The following MLF1 variants were observed in gnomAD, a reference collection of about 807,000 sequenced individuals.
MLF1 encodes the protein myelodysplasia-myeloid leukemia factor 1.
In MLF1, 37 loss-of-function variants were observed where a neutral mutation model predicts 38.3. The ratio of observed to expected loss-of-function variants is 0.96; its 90% CI spans 0.74 to 1.27. The LOEUF is 1.27. Among genes scored for constraint, MLF1 ranks in the 50% most tolerant of loss-of-function variants. MLF1 has a pLI of 0.00. For missense variants in MLF1, 331 were observed against 349.2 expected, an observed-to-expected ratio of 0.95 and a Z score of 0.42; for synonymous variants, 95 against 106.5, an observed-to-expected ratio of 0.89 and a Z score of 0.66.
intron 1 of MLF1, among the ~76,000 whole-genome samples, chr3:158,574,687 A>G (rs1715156077): frequency 1.6e-5 from 1 of 63,796 alleles, no homozygotes; most frequent in Non-Finnish European, 3.7e-5. Context: ...ACTGTCTCAA[A>G]AAAAAAAAAA....
At chr3:158,592,290 T>A in intron 1 of MLF1, 144 bp from the exon 2 acceptor site, 2 of 635,374 alleles carry the variant, frequency 3.1e-6, no homozygotes, top group Non-Finnish European at 5.0e-6. Flanking sequence ...TCTATTCTAT[T>A]TATGAATAAA....
intron 1 of MLF1, among the ~76,000 whole-genome samples, chr3:158,580,749 A>C (rs1576648717): frequency 6.6e-6 from 1 of 151,188 alleles, no homozygotes; most frequent in Non-Finnish European, 1.5e-5. Flanking sequence ...GGAGCTCGAG[A>C]CCAGCCTGAG....
rs749194695 is a variant in MLF1, at chr3:158,571,296, C to G, written c.-5C>G. 1 of 1,611,388 alleles carries G rather than the reference C, an allele frequency of 6.2e-7. No individual in the cohort carries two copies. Among genetic ancestry groups the G allele is most frequent in the East Asian group, 2.2e-5 (1 of 44,804 alleles). ...GCGGCTGCCGCCACCCAAGACAGAG[C>G]CAGAATGTTCAGGATGCTGAACAGC... On this transcript the variant is annotated 5_prime_UTR_variant, in exon 1 of 8. Coordinates refer to ENST00000466246, the MANE Select transcript of MLF1 (RefSeq NM_001369783.1).
At chr3:158,584,946 G>C (rs1178615789) in intron 1 of MLF1, among the ~76,000 whole-genome samples, 1 of 150,462 alleles carries the variant, frequency 6.6e-6, no homozygotes, top group Non-Finnish European at 1.5e-5. Context: ...GCTGAGGTGG[G>C]AGGATCATTT....
chr3:158,582,854 A>G, intron 1 of MLF1: 1 of 684,412 alleles, frequency 1.5e-6, no homozygotes, highest in East Asian at 2.7e-5. Context: ...GAAGTTCTTC[A>G]GAGAGAAGGA....
chr3:158,587,862 C>G lies in MLF1; in HGVS notation c.48-4572C>G, dbSNP rs1235202522. ...AAAAATAGAAAAAAATTAGCCGGGC[C>G]TGGCGGCGTGCGCCTGTAGTCCCAG... On this transcript the variant is annotated intron_variant, in intron 1 of 7. Transcript: ENST00000466246. 6.3e-4 allele frequency among the ~76,000 whole-genome samples: 96 copies of G among 152,126 alleles called. 2 individuals are homozygous for G. Among genetic ancestry groups the G allele is most frequent in the Admixed American group, 1.0e-3 (16 of 15,286 alleles).
intron 1 of MLF1, among the ~76,000 whole-genome samples, chr3:158,580,789 A>G (rs75699098): frequency 1.5e-5 from 1 of 66,252 alleles, no homozygotes; most frequent in Non-Finnish European, 3.7e-5. Context: ...CTCTACCAGA[A>G]AAAAAAAAAA....
intron 1 of MLF1, among the ~76,000 whole-genome samples, chr3:158,583,355 A>G (rs1289812676): frequency 6.6e-6 from 1 of 152,178 alleles, no homozygotes; most frequent in African/African-American, 2.4e-5. Context: ...CTCAAGAGAA[A>G]TGAACTTTGC....
chr3:158,599,426 T>C (rs1458711209), intron 5 of MLF1, among the ~76,000 whole-genome samples: 1 of 152,238 alleles, frequency 6.6e-6, no homozygotes, highest in Non-Finnish European at 1.5e-5. Flanking sequence ...CATTTTTTAG[T>C]TCTTACATAT....
chr3:158,593,564 T>C, intron 3 of MLF1, 138 bp downstream of exon 3: 1 of 598,474 alleles, frequency 1.7e-6, no homozygotes, highest in Middle Eastern at 2.8e-4. Context: ...AAACCTCTGT[T>C]TCAAGTATCA....
intron 3 of MLF1, 76 bp from the exon 4 acceptor site, chr3:158,596,786 A>G (rs1367313474): frequency 2.4e-6 from 2 of 850,624 alleles, no homozygotes; most frequent in Admixed American, 5.2e-5. Flanking sequence ...AAAATGTTTT[A>G]GCTGTTTTGG....
chr3:158,578,897 A>G (rs1437441692), intron 1 of MLF1, among the ~76,000 whole-genome samples: 1 of 152,074 alleles, frequency 6.6e-6, no homozygotes, highest in Non-Finnish European at 1.5e-5. Context: ...GTGGATTTTT[A>G]TTTTCCAAAA....
chr3:158,576,136 G>A (rs1715387464), intron 1 of MLF1, among the ~76,000 whole-genome samples: 1 of 152,066 alleles, frequency 6.6e-6, no homozygotes, highest in Admixed American at 6.5e-5. Flanking sequence ...AAAAGTAAAA[G>A]GAAATGTTAA....
At chr3:158,595,367 C>G (rs1233004936) in intron 3 of MLF1, among the ~76,000 whole-genome samples, 2 of 152,012 alleles carry the variant, frequency 1.3e-5, no homozygotes, top group East Asian at 3.9e-4. Flanking sequence ...CATTTTGTAC[C>G]CCAACTTTTT....
intron 6 of MLF1, 126 bp from the exon 7 acceptor site, chr3:158,602,681 T>C (rs936648512): frequency 2.5e-6 from 2 of 794,062 alleles, no homozygotes; most frequent in Non-Finnish European, 3.7e-6. Flanking sequence ...TTGAAGCAGC[T>C]TCCTGCCTCT....
At chr3:158,602,765 A>G in intron 6 of MLF1, 42 bp from the exon 7 acceptor site, 1 of 1,594,572 alleles carries the variant, frequency 6.3e-7, no homozygotes, top group Non-Finnish European at 8.6e-7. Context: ...CTGACAGTTG[A>G]TACCTTAATA....
At chr3:158,597,026 T>G in intron 4 of MLF1, 81 bp downstream of exon 4, 1 of 800,402 alleles carries the variant, frequency 1.2e-6, no homozygotes, top group Non-Finnish European at 2.0e-6. Context: ...AAACACTTTT[T>G]TAACCATAGT....
At chr3:158,588,616 A>C (rs3887766) in intron 1 of MLF1, among the ~76,000 whole-genome samples, 16,867 of 115,018 alleles carry the variant, frequency 0.15, 1,239 homozygotes, top group Middle Eastern at 0.19. Context: ...AAAAAAAAAA[A>C]AAAAAAAAGC....
At chr3:158,604,466 G>A (rs576263225) in intron 7 of MLF1, among the ~76,000 whole-genome samples, 9 of 152,268 alleles carry the variant, frequency 5.9e-5, no homozygotes, top group Admixed American at 2.6e-4. Context: ...CACATTTGAA[G>A]CATTGCTGGT....
Sources: gnomAD v4.1 joint callset for allele counts (sites outside exome capture counted in the v4.1 genomes callset) on GRCh38, gnomAD v4.1.1 for gene constraint, MANE v1.5 for transcripts, NCBI Gene and HGNC (gene_info 2026-07-23, HGNC 2026-07-21) for gene names.